The following IPP variants were observed in gnomAD, a reference collection of about 807,000 sequenced individuals.
The protein encoded by IPP is actin-binding protein IPP.
IPP carries 41 observed loss-of-function variants against 64.1 expected under a neutral mutation model. The ratio of observed to expected loss-of-function variants is 0.64; its 90% confidence interval spans 0.50 to 0.83. The LOEUF is 0.83. IPP is among the 40% of genes least tolerant of loss of function. The pLI is 0.00. For missense variants in IPP, 649 were observed against 703.0 expected (o/e 0.92, Z 0.87); for synonymous variants, 214 against 235.2 (o/e 0.91, Z 0.83).
Position 45,719,246 on chromosome 1 carries a change from G to T in IPP, c.1143C>A (p.Cys381Ter), listed in dbSNP as rs748855020. 1.2e-6 allele frequency: 2 copies of T among 1,613,590 alleles called. No homozygotes were observed. The highest frequency in any genetic ancestry group is 3.3e-5 in the Admixed American group (2 of 59,970). The change falls in exon 6 of 9, where the codon TGC (cysteine) becomes TGA (stop). Residue 381 changes from cysteine (C) to a stop codon, truncating the protein, a stop_gained. Coordinates refer to ENST00000396478, the MANE Select transcript of IPP (RefSeq NM_005897.3). LOFTEE classifies it high-confidence loss of function. ...TTVASMNHPR[C>*]GLGVCVCYGA... Reference sequence around the variant, plus strand: ...CATAACACACACACACTCCTAAGCCGCAGCGGGGATGATTCATCGAAGCTA... The same window carrying T: ...CATAACACACACACACTCCTAAGCCTCAGCGGGGATGATTCATCGAAGCTA...
intron 8 of IPP, among the ~76,000 whole-genome samples, chr1:45,712,698 A>C (rs1645606482): frequency 6.6e-6 from 1 of 151,822 alleles, no homozygotes; most frequent in African/African-American, 2.4e-5. Context: ...TCTACTAAAA[A>C]TACAACAAAA....
At chr1:45,745,729 G>T (rs28607263) in intron 2 of IPP, among the ~76,000 whole-genome samples, 42,530 of 151,478 alleles carry the variant, frequency 0.28, 6,097 homozygotes, top group South Asian at 0.36. Context: ...AGCCAGGTGT[G>T]GTGGCATGCG....
chr1:45,724,631 G>A (rs1318162313), intron 5 of IPP, among the ~76,000 whole-genome samples: 37 of 146,070 alleles, frequency 2.5e-4, no homozygotes, highest in Admixed American at 3.4e-4. Flanking sequence ...CTGCCCCGCC[G>A]CCCTGTCTGG....
At chr1:45,722,950 G>C (rs1274163103) in intron 5 of IPP, among the ~76,000 whole-genome samples, 1 of 152,174 alleles carries the variant, frequency 6.6e-6, no homozygotes, top group Non-Finnish European at 1.5e-5. Flanking sequence ...GTAGATTAGC[G>C]GTTACTAGGG....
At chr1:45,736,067 C>T (rs1016742406) in intron 3 of IPP, among the ~76,000 whole-genome samples, 3 of 150,652 alleles carry the variant, frequency 2.0e-5, no homozygotes, top group African/African-American at 4.9e-5. Flanking sequence ...GCCGAAATCA[C>T]ACCACTGCGT....
At chr1:45,724,559 C>T (rs1297957353) in intron 5 of IPP, among the ~76,000 whole-genome samples, 1 of 151,382 alleles carries the variant, frequency 6.6e-6, no homozygotes, top group Non-Finnish European at 1.5e-5. Context: ...GCCGCCATCC[C>T]ATCTAGGAAG....
chr1:45,719,139 C>T lies in IPP; in HGVS notation c.1186+64G>A. The T allele has an allele frequency of 2.6e-6, 4 of 1,536,528 alleles. 1 individual carries two copies. In the South Asian group the frequency reaches 4.6e-5, roughly 18 times the overall value. On this transcript the variant is annotated intron_variant, in intron 6 of 8. Transcript: ENST00000396478. ...AATATATATACCTATTATGTATCCA[C>T]AAAAATGAAAATTAAAAATACATAA...
intron 1 of IPP, among the ~76,000 whole-genome samples, chr1:45,748,229 T>C: frequency 6.6e-6 from 1 of 152,292 alleles, no homozygotes; most frequent in East Asian, 1.9e-4. Context: ...TAATTATACA[T>C]TATATACATG....
At chr1:45,719,161 A>G (rs772702368) in intron 6 of IPP, 42 bp downstream of exon 6, 3 of 1,596,390 alleles carry the variant, frequency 1.9e-6, no homozygotes, top group Admixed American at 1.7e-5. Context: ...TTAAAAATAC[A>G]TAAACAATAT....
intron 3 of IPP, among the ~76,000 whole-genome samples, chr1:45,734,673 G>A (rs542768419): frequency 9.7e-4 from 147 of 152,272 alleles, no homozygotes; most frequent in Non-Finnish European, 1.0e-3. Flanking sequence ...AGGCTGGAGC[G>A]CAGTGGTGAG....
Position 45,732,370 on chromosome 1 carries a change from A to AAAAC in IPP, c.725-2602_725-2601insGTTT, listed in dbSNP as rs1429988708. On this transcript the variant is annotated intron_variant, in intron 3 of 8. Transcript: ENST00000396478. ...GAGCGAGACTCCACCTCAAAAAAAA[A>AAAAC]AAAAAAAAAACACAAAAAACAATGT... is the stretch of plus-strand genomic sequence containing the variant. Among the ~76,000 whole-genome samples the AAAAC allele has an allele frequency of 1.3e-4, 20 of 151,128 alleles. 1 individual carries two copies. Among genetic ancestry groups the AAAAC allele is most frequent in the African/African-American group, 4.6e-4 (19 of 41,240 alleles).
At chr1:45,725,776 T>C (rs936705418) in intron 5 of IPP, among the ~76,000 whole-genome samples, 2 of 140,160 alleles carry the variant, frequency 1.4e-5, no homozygotes, top group Non-Finnish European at 3.1e-5. Flanking sequence ...ATCCTGTTGA[T>C]CTGTGACCTT....
intron 8 of IPP, among the ~76,000 whole-genome samples, chr1:45,703,669 C>T (rs1195755369): frequency 2.0e-5 from 3 of 152,098 alleles, no homozygotes; most frequent in East Asian, 3.9e-4. Flanking sequence ...ATATAGTTGA[C>T]CAGGGAAACT....
intron 5 of IPP, among the ~76,000 whole-genome samples, chr1:45,719,765 G>GC (rs1258189519): frequency 6.6e-6 from 1 of 151,830 alleles, no homozygotes; most frequent in Non-Finnish European, 1.5e-5. Flanking sequence ...TCGCTCTGTC[G>GC]CCCAGGCTGG....
At chr1:45,700,304 C>G (rs1283940046) in intron 8 of IPP, 114 bp from the exon 9 acceptor site, 16 of 1,382,188 alleles carry the variant, frequency 1.2e-5, no homozygotes, top group Non-Finnish European at 9.6e-7. Context: ...GTAAAACTAT[C>G]TAGTCAGGTA....
chr1:45,717,166 T>C (rs780845663), intron 6 of IPP, 149 bp from the exon 7 acceptor site: 16 of 616,222 alleles, frequency 2.6e-5, no homozygotes, highest in Admixed American at 8.1e-5. Context: ...ATGAAAAAGT[T>C]AGAATTTGAC....
chr1:45,696,280 G>A (rs1645387593), downstream of IPP, among the ~76,000 whole-genome samples: 1 of 152,162 alleles, frequency 6.6e-6, no homozygotes, highest in Non-Finnish European at 1.5e-5. Context: ...ATATCGGATT[G>A]TTAAACATTT....
intron 1 of IPP, among the ~76,000 whole-genome samples, chr1:45,749,722 G>A (rs137985332): frequency 0.025 from 3,795 of 151,188 alleles, 158 homozygotes; most frequent in African/African-American, 0.088. Context: ...GGGTTTCACC[G>A]TGTTAGCCAG....
At chr1:45,694,582 T>A, downstream of IPP, 2 of 846,964 alleles carry the variant, frequency 2.4e-6, no homozygotes, top group South Asian at 2.9e-5. Flanking sequence ...ATGTCCAAAC[T>A]TATTTCACAT....
Sources: gnomAD v4.1 joint callset for allele counts (sites outside exome capture counted in the v4.1 genomes callset) on GRCh38, gnomAD v4.1.1 for gene constraint, MANE v1.5 for transcripts, NCBI Gene and HGNC (gene_info 2026-07-23, HGNC 2026-07-21) for gene names.